The following NAV2 variants were observed in gnomAD, a reference collection of about 807,000 sequenced individuals.
NAV2 encodes neuron navigator 2.
A neutral mutation model predicts 223.2 loss-of-function variants in NAV2; 54 were observed. The ratio of observed to expected loss-of-function variants is 0.24; its 90% CI spans 0.19 to 0.30. The LOEUF is 0.30. NAV2 is among the 10% of genes least tolerant of loss of function. NAV2 has a pLI of 1.00. For missense variants in NAV2, 2,806 were observed against 3,147.5 expected, an observed-to-expected ratio of 0.89 and a Z score of 2.60; for synonymous variants, 1,279 against 1,239.3, an observed-to-expected ratio of 1.03 and a Z score of -0.67.
chr11:19,587,132 G>A (rs952358006), intron 1 of NAV2, among the ~76,000 whole-genome samples: 4 of 152,170 alleles, frequency 2.6e-5, no homozygotes, highest in African/African-American at 9.7e-5. Flanking sequence ...TCAGATTGCT[G>A]TGCTAGCAAT....
chr11:19,977,918 C>T (rs974296249), intron 10 of NAV2, among the ~76,000 whole-genome samples: 4 of 150,800 alleles, frequency 2.7e-5, no homozygotes, highest in Non-Finnish European at 5.9e-5. Flanking sequence ...AATTCTCCTG[C>T]TTCAGTCTCC....
intron 6 of NAV2, among the ~76,000 whole-genome samples, chr11:19,909,853 T>C (rs1259920346): frequency 1.3e-5 from 2 of 152,170 alleles, no homozygotes; most frequent in African/African-American, 4.8e-5. Flanking sequence ...CAACAGATGT[T>C]ACAAACGCCT....
intron 1 of NAV2, among the ~76,000 whole-genome samples, chr11:19,666,796 C>T (rs985083646): frequency 6.6e-6 from 1 of 152,136 alleles, no homozygotes; most frequent in African/African-American, 2.4e-5. Context: ...CTCCACCTGG[C>T]CTCTCATGAT....
At chr11:20,086,562 T>G (rs1224948110) in intron 26 of NAV2, among the ~76,000 whole-genome samples, 1 of 152,132 alleles carries the variant, frequency 6.6e-6, no homozygotes, top group African/African-American at 2.4e-5. Flanking sequence ...TCCTTGATTA[T>G]TTGTTCTCTG....
intron 1 of NAV2, among the ~76,000 whole-genome samples, chr11:19,608,599 T>C (rs1342989939): frequency 6.6e-6 from 1 of 152,236 alleles, no homozygotes; most frequent in East Asian, 1.9e-4. Flanking sequence ...CCATATGCCA[T>C]ATGGGCAAGT....
intron 1 of NAV2, among the ~76,000 whole-genome samples, chr11:19,422,344 A>G (rs928563586): frequency 3.9e-5 from 6 of 152,182 alleles, no homozygotes; most frequent in African/African-American, 7.2e-5. Context: ...AGAGGCCTTC[A>G]TGCGTGATCC....
At chr11:19,734,425 C>G (rs1163990243) in intron 1 of NAV2, among the ~76,000 whole-genome samples, 1 of 152,188 alleles carries the variant, frequency 6.6e-6, no homozygotes, top group Non-Finnish European at 1.5e-5. Flanking sequence ...TTGAGAAGGC[C>G]TGTGCCAGCC....
intron 11 of NAV2, chr11:20,027,569 A>T (rs907454922): frequency 5.4e-5 from 32 of 595,344 alleles, no homozygotes; most frequent in African/African-American, 4.0e-4. Flanking sequence ...GTTTCCAAGG[A>T]CAGTAAGGGC....
chr11:19,669,059 A>G (rs997323855), intron 1 of NAV2, among the ~76,000 whole-genome samples: 8 of 152,174 alleles, frequency 5.3e-5, no homozygotes, highest in African/African-American at 1.9e-4. Flanking sequence ...GCCATTAGAG[A>G]GATGGTTAGC....
At chr11:19,380,196 C>T (rs1406013780) in intron 1 of NAV2, among the ~76,000 whole-genome samples, 1 of 152,146 alleles carries the variant, frequency 6.6e-6, no homozygotes, top group African/African-American at 2.4e-5. Context: ...TCTACTCTGG[C>T]AACAGTCTAG....
intron 1 of NAV2, among the ~76,000 whole-genome samples, chr11:19,774,711 G>C (rs968658629): frequency 2.6e-5 from 4 of 152,186 alleles, no homozygotes; most frequent in Non-Finnish European, 5.9e-5. Context: ...TGCTCAAGGA[G>C]TGTTTGCTAA....
chr11:19,805,880 A>G (rs1246130844), intron 1 of NAV2, among the ~76,000 whole-genome samples: 2 of 152,236 alleles, frequency 1.3e-5, no homozygotes, highest in South Asian at 2.1e-4. Context: ...CAGAGTCACC[A>G]GGTCAGTTCA....
intron 1 of NAV2, among the ~76,000 whole-genome samples, chr11:19,826,761 C>T (rs2059655216): frequency 6.6e-6 from 1 of 152,178 alleles, no homozygotes; most frequent in East Asian, 1.9e-4. Flanking sequence ...TCCCTGCTCC[C>T]TGCTCTTTTT....
intron 11 of NAV2, among the ~76,000 whole-genome samples, chr11:20,035,728 T>C (rs1334804668): frequency 1.3e-5 from 2 of 152,226 alleles, no homozygotes; most frequent in Non-Finnish European, 1.5e-5. Flanking sequence ...ACCCCTGCTA[T>C]GGAAGCACTT....
intron 1 of NAV2, chr11:19,505,355 C>T (rs1457599174): frequency 1.3e-5 from 2 of 152,226 alleles, no homozygotes; most frequent in African/African-American, 4.8e-5. Context: ...AAAGGATGTC[C>T]ACTGACCACT....
chr11:19,939,141 T>C (rs1169007557), intron 7 of NAV2, among the ~76,000 whole-genome samples: 1 of 152,094 alleles, frequency 6.6e-6, no homozygotes, highest in Non-Finnish European at 1.5e-5. Flanking sequence ...AGAACTAAGC[T>C]CTGAATCAGA....
At chr11:19,528,047 C>T (rs2043900545) in intron 1 of NAV2, among the ~76,000 whole-genome samples, 1 of 151,996 alleles carries the variant, frequency 6.6e-6, no homozygotes, top group African/African-American at 2.4e-5. Context: ...TTTCCCAGAG[C>T]TTTGTGAAAT....
chr11:19,602,509 A>G (rs1430603548), intron 1 of NAV2, among the ~76,000 whole-genome samples: 2 of 152,126 alleles, frequency 1.3e-5, no homozygotes, highest in African/African-American at 2.4e-5. Flanking sequence ...AGAGTATATT[A>G]GTTTCCTGGG....
rs1565523511 is a variant in NAV2, at chr11:19,900,654, C to T, written c.931+8060C>T. Reference sequence around the variant, plus strand: ...CCATAAGTATAAATTCTAGGGTTCCCACAAGGATTAGGCCCAATCAATTGT... The same window carrying T: ...CCATAAGTATAAATTCTAGGGTTCCTACAAGGATTAGGCCCAATCAATTGT... On this transcript the variant is annotated intron_variant, in intron 6 of 37. Transcript: ENST00000349880. Among the ~76,000 whole-genome samples, 3 of 152,254 alleles carry T rather than the reference C, an allele frequency of 2.0e-5. No individual in the cohort carries two copies. In the East Asian group the frequency reaches 5.8e-4, roughly 29 times the overall value.
Sources: allele counts gnomAD v4.1 joint callset (sites outside exome capture counted in the v4.1 genomes callset), GRCh38; gene constraint gnomAD v4.1.1; transcripts MANE v1.5; gene names NCBI Gene and HGNC (gene_info 2026-07-23, HGNC 2026-07-21).